PRKN: variants seen among roughly 807,000 people sequenced by gnomAD.
The protein encoded by PRKN is E3 ubiquitin-protein ligase parkin.
Under a neutral mutation model 59.5 loss-of-function variants are expected in PRKN, and 56 were observed. That is an observed-to-expected ratio of 0.94 (90% CI 0.76 to 1.18). The LOEUF (loss-of-function observed/expected upper bound fraction) is 1.18, where lower values mean the gene tolerates loss of function less well. Ranked by LOEUF, PRKN falls within the 50% of genes most tolerant of loss-of-function variation. The pLI, the probability that PRKN is intolerant of heterozygous loss-of-function variation, is 0.00. For synonymous variants in PRKN, 250 were observed against 222.1 expected, an observed-to-expected ratio of 1.13 and a Z score of -1.12; for missense variants, 657 against 596.4, an observed-to-expected ratio of 1.10 and a Z score of -1.06.
intron 4 of PRKN, among the ~76,000 whole-genome samples, chr6:162,161,730 GGGCC>G (rs1206231337): frequency 6.6e-6 from 1 of 152,084 alleles, no homozygotes; most frequent in Admixed American, 6.5e-5. Context: ...CACAATGCCT[GGGCC>G]GTTCACCTTG....
intron 6 of PRKN, among the ~76,000 whole-genome samples, chr6:161,936,509 G>A (rs926689943): frequency 4.6e-5 from 7 of 151,894 alleles, no homozygotes; most frequent in African/African-American, 1.7e-4. Flanking sequence ...ATGCCCGGCT[G>A]GTAACAGTTT....
At chr6:161,800,685 C>G (rs1328070932) in intron 6 of PRKN, among the ~76,000 whole-genome samples, 2 of 152,136 alleles carry the variant, frequency 1.3e-5, no homozygotes, top group African/African-American at 4.8e-5. Flanking sequence ...GGGACCATAG[C>G]TGATATCTTC....
At chr6:161,469,998 G>C (rs754156523) in intron 9 of PRKN, among the ~76,000 whole-genome samples, 1 of 152,110 alleles carries the variant, frequency 6.6e-6, no homozygotes, top group Non-Finnish European at 1.5e-5. Context: ...ACTATGAACC[G>C]GGCATTGCTA....
At chr6:162,298,253 C>T (rs568977059) in intron 2 of PRKN, among the ~76,000 whole-genome samples, 1 of 152,016 alleles carries the variant, frequency 6.6e-6, no homozygotes, top group African/African-American at 2.4e-5. Context: ...TCTCTGGTTC[C>T]GGTGGGGACT....
At chr6:161,783,706 T>G (rs776178364) in intron 7 of PRKN, 1 of 506,476 alleles carries the variant, frequency 2.0e-6, no homozygotes, top group East Asian at 5.6e-5. Flanking sequence ...ATTGTCACAT[T>G]AAAAGCATTA....
At chr6:162,648,471 C>G (rs1037065085) in intron 1 of PRKN, among the ~76,000 whole-genome samples, 1 of 151,744 alleles carries the variant, frequency 6.6e-6, no homozygotes, top group Non-Finnish European at 1.5e-5. Flanking sequence ...AACCTCCGCC[C>G]GCCGGGTTCA....
chr6:162,048,223 AG>A (rs1777461784), intron 5 of PRKN, among the ~76,000 whole-genome samples: 1 of 152,222 alleles, frequency 6.6e-6, no homozygotes, highest in South Asian at 2.1e-4. Context: ...CTTGTGTAAT[AG>A]GAAATCAACA....
intron 2 of PRKN, among the ~76,000 whole-genome samples, chr6:162,434,124 C>A (rs1351850127): frequency 6.6e-6 from 1 of 152,140 alleles, no homozygotes; most frequent in African/African-American, 2.4e-5. Flanking sequence ...AGTACACCCA[C>A]AAAAATTATA....
intron 3 of PRKN, among the ~76,000 whole-genome samples, chr6:162,229,131 C>A (rs1024194619): frequency 2.6e-5 from 4 of 152,176 alleles, no homozygotes; most frequent in African/African-American, 9.7e-5. Context: ...ATTTGTACAG[C>A]AAATTGTCTC....
intron 2 of PRKN, among the ~76,000 whole-genome samples, chr6:162,303,567 C>CT (rs1279280497): frequency 6.6e-6 from 1 of 151,826 alleles, no homozygotes; most frequent in Admixed American, 6.6e-5. Context: ...TGATGAGATG[C>CT]TTTTTCATTG....
At chr6:161,629,936 A>G (rs2128154085) in intron 7 of PRKN, among the ~76,000 whole-genome samples, 1 of 152,300 alleles carries the variant, frequency 6.6e-6, no homozygotes, top group African/African-American at 2.4e-5. Flanking sequence ...GCCAGGTCTG[A>G]GTCTCTAGCT....
intron 4 of PRKN, among the ~76,000 whole-genome samples, chr6:162,145,601 G>T (rs528512964): frequency 6.6e-6 from 1 of 152,262 alleles, no homozygotes; most frequent in Non-Finnish European, 1.5e-5. Context: ...GAAAGCAAAA[G>T]TACACTCCAC....
intron 1 of PRKN, among the ~76,000 whole-genome samples, chr6:162,505,627 A>T (rs1411640291): frequency 6.6e-6 from 1 of 152,200 alleles, no homozygotes; most frequent in African/African-American, 2.4e-5. Context: ...ACTATACAAT[A>T]CAATTAACAT....
chr6:162,294,278 C>T (rs978432960), intron 2 of PRKN, among the ~76,000 whole-genome samples: 1 of 152,078 alleles, frequency 6.6e-6, no homozygotes, highest in Non-Finnish European at 1.5e-5. Context: ...CTCCTTCCTA[C>T]ACCCTTTCAA....
chr6:161,479,189 G>A (rs1285070057), intron 9 of PRKN, among the ~76,000 whole-genome samples: 1 of 152,034 alleles, frequency 6.6e-6, no homozygotes, highest in Non-Finnish European at 1.5e-5. Flanking sequence ...TGATTACTTC[G>A]CACAATGATG....
At chr6:162,625,961 T>C (rs1182704019) in intron 1 of PRKN, among the ~76,000 whole-genome samples, 1 of 152,184 alleles carries the variant, frequency 6.6e-6, no homozygotes, top group Non-Finnish European at 1.5e-5. Flanking sequence ...TATATCACAG[T>C]TCAGGCAGAC....
chr6:162,544,965 C>G (rs1779061342), intron 1 of PRKN, among the ~76,000 whole-genome samples: 1 of 150,222 alleles, frequency 6.7e-6, no homozygotes, highest in Non-Finnish European at 1.5e-5. Flanking sequence ...GTGTGAGCCA[C>G]CGCGCCCGGC....
At chr6:162,272,761 G>T (rs562166847) in intron 2 of PRKN, among the ~76,000 whole-genome samples, 1 of 152,210 alleles carries the variant, frequency 6.6e-6, no homozygotes, top group East Asian at 1.9e-4. Flanking sequence ...ACTTTGGGAG[G>T]CTGAGGTGGG....
At chr6:162,669,730 C>G (rs183500898) in intron 1 of PRKN, among the ~76,000 whole-genome samples, 10 of 152,170 alleles carry the variant, frequency 6.6e-5, no homozygotes, top group Admixed American at 1.3e-4. Flanking sequence ...AGCTATTCCT[C>G]TGGTATTTGG....
Sources: gnomAD v4.1 joint callset for allele counts (sites outside exome capture counted in the v4.1 genomes callset) on GRCh38, gnomAD v4.1.1 for gene constraint, MANE v1.5 for transcripts, NCBI Gene and HGNC (gene_info 2026-07-23, HGNC 2026-07-21) for gene names.